ANO10: variants seen among roughly 807,000 people sequenced by gnomAD.
ANO10 encodes the protein anoctamin 10.
A neutral mutation model predicts 74.7 loss-of-function variants in ANO10; 77 were observed. The ratio of observed to expected loss-of-function variants is 1.03; its 90% CI spans 0.86 to 1.25. ANO10 has a LOEUF of 1.25. ANO10 is among the 50% of genes most tolerant of loss of function. ANO10 has a pLI of 0.00. For synonymous variants in ANO10, 279 were observed against 284.9 expected, an observed-to-expected ratio of 0.98 and a Z score of 0.21; for missense variants, 721 against 778.1, an observed-to-expected ratio of 0.93 and a Z score of 0.87.
chr3:43,678,570 C>G (rs531504796), intron 1 of ANO10, among the ~76,000 whole-genome samples: 5 of 152,332 alleles, frequency 3.3e-5, no homozygotes, highest in Admixed American at 2.0e-4. Flanking sequence ...TCACATACCC[C>G]CTGCTTGCTC....
intron 6 of ANO10, among the ~76,000 whole-genome samples, chr3:43,575,873 G>A (rs1161099201): frequency 2.0e-5 from 3 of 152,100 alleles, no homozygotes; most frequent in Non-Finnish European, 4.4e-5. Context: ...TCCTGAACTT[G>A]TGATCTGCCC....
chr3:43,608,630 G>A (rs1016133665), intron 1 of ANO10, among the ~76,000 whole-genome samples: 1 of 152,110 alleles, frequency 6.6e-6, no homozygotes, highest in Non-Finnish European at 1.5e-5. Flanking sequence ...AGGCTAGTCT[G>A]GAGTACAGCG....
upstream of ANO10, among the ~76,000 whole-genome samples, chr3:43,625,416 T>C (rs1426454377): frequency 6.6e-6 from 1 of 152,246 alleles, no homozygotes; most frequent in Non-Finnish European, 1.5e-5. Flanking sequence ...CCTGCCATCA[T>C]GATCCACCTG....
chr3:43,634,154 A>C (rs1481106384), intron 1 of ANO10, among the ~76,000 whole-genome samples: 1 of 152,144 alleles, frequency 6.6e-6, no homozygotes, highest in African/African-American at 2.4e-5. Flanking sequence ...ATCTCCCAAC[A>C]ATTAGGAGTA....
At chr3:43,425,149 G>A (rs1020647477) in intron 12 of ANO10, among the ~76,000 whole-genome samples, 2 of 151,086 alleles carry the variant, frequency 1.3e-5, no homozygotes, top group Non-Finnish European at 2.9e-5. Context: ...CTTAATTCTA[G>A]GCTGTAAAAT....
chr3:43,543,944 T>C (rs1457775031), intron 11 of ANO10, among the ~76,000 whole-genome samples: 2 of 152,150 alleles, frequency 1.3e-5, no homozygotes, highest in African/African-American at 2.4e-5. Context: ...ACATGTCTGA[T>C]AGGTACATCT....
chr3:43,574,905 A>G (rs1575463477), intron 6 of ANO10, 41 bp from the exon 7 acceptor site: 1 of 1,559,434 alleles, frequency 6.4e-7, no homozygotes, highest in African/African-American at 1.4e-5. Context: ...CAGTAAGAAA[A>G]CAATACGAAA....
intron 11 of ANO10, among the ~76,000 whole-genome samples, chr3:43,469,477 T>C (rs2075766499): frequency 6.6e-6 from 1 of 152,252 alleles, no homozygotes. Context: ...CACTATTCTC[T>C]TTTATAATAT....
chr3:43,616,684 TCTTGTGCCCATTTTCAGTCACTCTACA>T (rs1402810686), intron 1 of ANO10, among the ~76,000 whole-genome samples: 1 of 152,148 alleles, frequency 6.6e-6, no homozygotes, highest in Non-Finnish European at 1.5e-5. Flanking sequence ...GCTCTGCTCC[TCTTGTGCCCATTTTCAGTCACTCTACA>T]CTTGTGCCAG....
intron 4 of ANO10, among the ~76,000 whole-genome samples, chr3:43,582,796 TCAGC>T (rs2081320897): frequency 6.6e-6 from 1 of 152,226 alleles, no homozygotes; most frequent in Non-Finnish European, 1.5e-5. Flanking sequence ...TTGAAGTTAC[TCAGC>T]CTCTGGTACT....
chr3:43,453,174 T>TTC (rs1553669744), intron 11 of ANO10, among the ~76,000 whole-genome samples: 12 of 127,470 alleles, frequency 9.4e-5, no homozygotes, highest in African/African-American at 3.6e-4. Flanking sequence ...TATCTTCTTT[T>TTC]CCCCCTTTTT....
intron 1 of ANO10, among the ~76,000 whole-genome samples, chr3:43,616,869 T>C (rs543063117): frequency 6.6e-6 from 1 of 152,078 alleles, no homozygotes; most frequent in Admixed American, 6.5e-5. Context: ...CCTCAGGGAA[T>C]TGCCTGTATA....
chr3:43,667,369 G>A lies in ANO10; in HGVS notation c.-12+24148C>T, dbSNP rs193263726. ...CTCCCAAAGTGCTGGGATTACACGCGTGGGCCACTGCACCCAGCCCAATCC... is the reference window on the plus strand; with the variant it reads ...CTCCCAAAGTGCTGGGATTACACGCATGGGCCACTGCACCCAGCCCAATCC... On this transcript the variant is annotated intron_variant, in intron 1 of 3. Transcript: ENST00000413397. 2.0e-4 allele frequency among the ~76,000 whole-genome samples: 30 copies of A among 152,160 alleles called. 1 individual carries two copies. The highest frequency in any genetic ancestry group is 1.1e-3 in the Admixed American group (17 of 15,286).
intron 11 of ANO10, among the ~76,000 whole-genome samples, chr3:43,504,304 A>ATAGG (rs1032168689): frequency 2.4e-5 from 1 of 41,014 alleles, no homozygotes; most frequent in African/African-American, 5.3e-5. Context: ...AGGTAGGTAG[A>ATAGG]TAGATAGATA....
chr3:43,675,771 C>T (rs1329514094), intron 1 of ANO10, among the ~76,000 whole-genome samples: 1 of 152,014 alleles, frequency 6.6e-6, no homozygotes. Flanking sequence ...AGAGACAACA[C>T]CAAAGGCTGG....
At chr3:43,572,508 A>G (rs2149388190) in intron 7 of ANO10, among the ~76,000 whole-genome samples, 1 of 152,332 alleles carries the variant, frequency 6.6e-6, no homozygotes, top group African/African-American at 2.4e-5. Flanking sequence ...GACAGCAGGT[A>G]ACTGGGAGGC....
At chr3:43,657,672 A>T (rs1233356108) in intron 1 of ANO10, among the ~76,000 whole-genome samples, 1 of 152,184 alleles carries the variant, frequency 6.6e-6, no homozygotes, top group Non-Finnish European at 1.5e-5. Context: ...TTGCTATGAG[A>T]TGTCTTTCTA....
chr3:43,654,011 T>C (rs2083818618), intron 1 of ANO10, among the ~76,000 whole-genome samples: 1 of 150,946 alleles, frequency 6.6e-6, no homozygotes, highest in Admixed American at 6.6e-5. Flanking sequence ...TAGACTTGCA[T>C]CTCCAATGTG....
At chr3:43,561,179 C>T (rs544885858) in intron 9 of ANO10, 41 bp downstream of exon 9, 1 of 1,591,222 alleles carries the variant, frequency 6.3e-7, no homozygotes, top group Non-Finnish European at 8.6e-7. Context: ...GGCTATTATT[C>T]ACTCTCAGTA....
Sources: gnomAD v4.1 joint callset for allele counts (sites outside exome capture counted in the v4.1 genomes callset) on GRCh38, gnomAD v4.1.1 for gene constraint, MANE v1.5 for transcripts, NCBI Gene and HGNC (gene_info 2026-07-23, HGNC 2026-07-21) for gene names.